The following ECHDC2 variants were observed in gnomAD, a reference collection of about 807,000 sequenced individuals.
The protein encoded by ECHDC2 is enoyl-CoA hydratase domain containing 2, also known as enoyl-CoA hydratase domain-containing protein 2, mitochondrial.
ECHDC2 carries 34 observed loss-of-function variants against 40.6 expected under a neutral mutation model. The ratio of observed to expected loss-of-function variants is 0.84; its 90% CI spans 0.64 to 1.11. The LOEUF (loss-of-function observed/expected upper bound fraction) is 1.11. ECHDC2 is among the 50% of genes most tolerant of loss of function. The pLI, the probability that ECHDC2 is intolerant of heterozygous loss-of-function variation, is 0.00. For missense variants in ECHDC2, 392 were observed against 400.7 expected, an observed-to-expected ratio of 0.98 and a Z score of 0.19; for synonymous variants, 162 against 166.6, an observed-to-expected ratio of 0.97 and a Z score of 0.21.
chr1:52,921,242 C>T lies in ECHDC2; in HGVS notation c.121+311G>A, dbSNP rs187724538. ...GGAGGGGAACGCGCACTTAAACGCT[C>T]CTGGCCTGGGGGCCGCGGGGCCCAG... On this transcript the variant is annotated intron_variant, in intron 1 of 9. Transcript: ENST00000371522. 4.6e-4 allele frequency among the ~76,000 whole-genome samples: 70 copies of T among 152,312 alleles called. No homozygotes were observed. In the East Asian group the frequency reaches 0.013, roughly 29 times the overall value.
chr1:52,920,817 G>A (rs2150077587), intron 1 of ECHDC2, among the ~76,000 whole-genome samples: 1 of 152,318 alleles, frequency 6.6e-6, no homozygotes, highest in South Asian at 2.1e-4. Flanking sequence ...AGGAGACAGG[G>A]GATGAGATGC....
chr1:52,897,164 T>C (rs1646690614), intron 9 of ECHDC2: 1 of 531,112 alleles, frequency 1.9e-6, no homozygotes, highest in Non-Finnish European at 3.4e-6. Context: ...AGGCAAAAGA[T>C]GTGGTTCTTC....
At chr1:52,916,077 C>A (rs912280984) in intron 1 of ECHDC2, among the ~76,000 whole-genome samples, 2 of 152,190 alleles carry the variant, frequency 1.3e-5, no homozygotes, top group African/African-American at 4.8e-5. Context: ...GATGAGACCA[C>A]AGCCCTGGCC....
At chr1:52,919,786 T>G (rs922362631) in intron 1 of ECHDC2, among the ~76,000 whole-genome samples, 3 of 152,204 alleles carry the variant, frequency 2.0e-5, no homozygotes, top group African/African-American at 7.2e-5. Flanking sequence ...TCCCCATGCC[T>G]CCTCTGCACT....
At chr1:52,901,401 T>C (rs766226959) in intron 7 of ECHDC2, 3 of 151,110 alleles carry the variant, frequency 2.0e-5, no homozygotes, top group Non-Finnish European at 2.9e-5. Context: ...CAAGATCCTG[T>C]CTCTAAAAAG....
Position 52,914,400 on chromosome 1 carries a change from C to T in ECHDC2, c.122-2610G>A, listed in dbSNP as rs887360478. Among the ~76,000 whole-genome samples, 2 of 152,114 alleles carry T rather than the reference C, an allele frequency of 1.3e-5. No individual in the cohort carries two copies. The highest frequency in any genetic ancestry group is 2.4e-5 in the African/African-American group (1 of 41,414). ...GGCAAGGTGCAGGGAAGGGGGCAGT[C>T]CAGGAGAGAAGCCTGTTGCAGGCAG... is the stretch of plus-strand genomic sequence containing the variant. On this transcript the variant is annotated intron_variant, in intron 1 of 9. Transcript: ENST00000371522. This position sits in a 1 kb window ranked among gnomAD's most constrained non-coding sequence, Gnocchi z 4.0.
intron 7 of ECHDC2, chr1:52,902,087 A>C (rs908780358): frequency 1.1e-4 from 16 of 152,126 alleles, no homozygotes; most frequent in Admixed American, 9.2e-4. Context: ...AAATTAAAGA[A>C]GATCTGTTTT....
Position 52,910,352 on chromosome 1 carries a change from G to GCTTTTTTTTTTTTTTTTTTT in ECHDC2, c.277+1213_277+1214insAAAAAAAAAAAAAAAAAAAG, listed in dbSNP as rs1649094598. On this transcript the variant is annotated intron_variant, in intron 3 of 9. Transcript: ENST00000371522. ...GTTACTTATATTTCACCACAATTTC[G>GCTTTTTTTTTTTTTTTTTTT]TTTTTTTTTTTTTTTTTTTTTTTTT... 9.4e-5 allele frequency among the ~76,000 whole-genome samples: 3 copies of GCTTTTTTTTTTTTTTTTTTT among 32,062 alleles called. 1 individual carries two copies. Among genetic ancestry groups the GCTTTTTTTTTTTTTTTTTTT allele is most frequent in the African/African-American group, 3.3e-4 (3 of 9,206 alleles). 21.0% of individuals were successfully genotyped at this position (32,062 alleles called of 152,430 possible). A position where few individuals can be genotyped will look rare whatever the true frequency, so the allele number is the denominator to read the frequency against.
intron 8 of ECHDC2, chr1:52,898,014 A>C: frequency 1.1e-5 from 2 of 177,984 alleles, no homozygotes; most frequent in East Asian, 1.4e-4. Flanking sequence ...TTCTTCCCTC[A>C]CTCTCATCTG....
intron 1 of ECHDC2, among the ~76,000 whole-genome samples, chr1:52,918,358 T>TAAAAA (rs536606545): frequency 8.0e-6 from 1 of 124,552 alleles, no homozygotes; most frequent in African/African-American, 2.9e-5. Flanking sequence ...TCCTACTTAT[T>TAAAAA]AAAAAAAAAA....
At position 52,899,197 on chromosome 1, in the gene ECHDC2, CT is replaced by C. The variant is rs780192134; in HGVS notation, c.729del (p.Val244Ter). On this transcript the variant is annotated frameshift_variant, in exon 8 of 10. Coordinates refer to ENST00000371522, the MANE Select transcript of ECHDC2 (RefSeq NM_001198961.2). LOFTEE classifies it high-confidence loss of function. ...PQAPIAVRLG[K>X]VAIDRGTEVD... is the part of the protein sequence containing the mutation. The stretch of plus-strand genomic sequence containing the variant: ...ACCTCCGTTCCTCGGTCAATGGCTA[CT>C]TTGCCCAGCCGCACGGCAATGGGGG... 1.7e-5 allele frequency: 28 copies of C among 1,613,940 alleles called. No homozygotes were observed. The South Asian group carries it at 3.0e-4, about 17-fold the overall frequency.
intron 3 of ECHDC2, among the ~76,000 whole-genome samples, chr1:52,910,352 GTTTTTTTTTTTTTTTTTTTT>G (rs869088329): frequency 2.8e-4 from 9 of 32,062 alleles, no homozygotes; most frequent in Admixed American, 6.2e-4. Context: ...CCACAATTTC[GTTTTTTTTTTTTTTTTTTTT>G]TTTTTTTTTT....
At chr1:52,897,604 ATT>A in intron 8 of ECHDC2, 120 bp from the exon 9 acceptor site, 2 of 947,102 alleles carry the variant, frequency 2.1e-6, no homozygotes, top group Non-Finnish European at 3.5e-6. Flanking sequence ...ATGAGAAGGA[ATT>A]TCCCTCCTAG....
chr1:52,896,492 T>G lies in ECHDC2; in HGVS notation c.*28A>C, dbSNP rs72897351. On this transcript the variant is annotated 3_prime_UTR_variant, in exon 10 of 10. Coordinates refer to ENST00000371522, the MANE Select transcript of ECHDC2 (RefSeq NM_001198961.2). The stretch of plus-strand genomic sequence containing the variant: ...TGGATCCTGCTCTTCAGGGCATGCA[T>G]CTCCCATGCTGAAGGTTAAAATGGG... The G allele has an allele frequency of 8.4e-3, 13,355 of 1,582,216 alleles. 967 individuals carry two copies. In the African/African-American group the frequency reaches 0.15, roughly 18 times the overall value.
At chr1:52,907,989 A>T in intron 3 of ECHDC2, 35 bp from the exon 4 acceptor site, 1 of 1,599,310 alleles carries the variant, frequency 6.3e-7, no homozygotes, top group East Asian at 2.2e-5. Flanking sequence ...AGCCCTTAGG[A>T]AAATGGCACT....
intron 4 of ECHDC2, chr1:52,907,665 G>T (rs2150052454): frequency 1.8e-6 from 1 of 548,514 alleles, no homozygotes; most frequent in South Asian, 2.5e-5. Context: ...GGTGGGGCGG[G>T]ACACAAAAGC....
At chr1:52,905,307 TG>T (rs1001114516) in intron 5 of ECHDC2, 6 of 581,826 alleles carry the variant, frequency 1.0e-5, no homozygotes, top group Admixed American at 6.0e-5. Context: ...TTGATGGAGT[TG>T]TAAGTCACCA....
intron 1 of ECHDC2, among the ~76,000 whole-genome samples, chr1:52,916,252 G>A (rs1010469508): frequency 1.3e-5 from 2 of 152,170 alleles, no homozygotes; most frequent in African/African-American, 2.4e-5. Context: ...TGATATAGCC[G>A]TGGTATCCTG....
intron 8 of ECHDC2, 105 bp from the exon 9 acceptor site, chr1:52,897,589 T>G (rs1646719277): frequency 9.2e-6 from 10 of 1,092,102 alleles, no homozygotes; most frequent in Admixed American, 3.4e-5. Flanking sequence ...TGAGCAGAGA[T>G]AGCTATGAGA....
Sources: allele counts gnomAD v4.1 joint callset (sites outside exome capture counted in the v4.1 genomes callset), GRCh38; gene constraint gnomAD v4.1.1; non-coding constraint Gnocchi (gnomAD v3.1); transcripts MANE v1.5; gene names NCBI Gene and HGNC (gene_info 2026-07-23, HGNC 2026-07-21).